The following AKAP9 variants were observed in gnomAD, a reference collection of about 807,000 sequenced individuals.
AKAP9 encodes A-kinase anchoring protein 9, also known as A-kinase anchor protein 9.
AKAP9 carries 311 observed loss-of-function variants against 488.5 expected under a neutral mutation model. That is an observed-to-expected ratio of 0.64 (90% CI 0.58 to 0.70). The LOEUF (loss-of-function observed/expected upper bound fraction) is 0.70, where lower values mean the gene tolerates loss of function less well. Among genes scored for constraint, AKAP9 ranks in the 30% least tolerant of loss-of-function variants. The probability of loss-of-function intolerance (pLI) is 0.00; values close to 1 mark genes in which losing one functional copy is unlikely to be tolerated. For synonymous variants in AKAP9, 1,462 were observed against 1,483.5 expected (o/e 0.99, Z 0.33); for missense variants, 4,215 against 4,374.5 (o/e 0.96, Z 1.03).
At chr7:91,970,628 C>T (rs1794953443) in intron 1 of AKAP9, 1 of 382,632 alleles carries the variant, frequency 2.6e-6, no homozygotes, top group African/African-American at 2.1e-5. Flanking sequence ...TTTTTTCCTT[C>T]AGCACTTTGA....
At position 92,110,157 on chromosome 7, in the gene AKAP9, TA is replaced by T; in HGVS notation, c.11724del (p.Ter3908TyrfsTer7). On this transcript the variant is annotated frameshift_variant and stop_lost, in exon 50 of 50. Transcript: ENST00000356239. LOFTEE classifies it high-confidence loss of function. Reference sequence around the variant, plus strand: ...TCAATTTCATGCTGGCATGAGAAGATAATCCTTTGAAACATCATTAATTGAA... The same window carrying T: ...TCAATTTCATGCTGGCATGAGAAGATATCCTTTGAAACATCATTAATTGAA... ...TTQFHAGMRR[*>X] 1 of 1,600,208 alleles carries T rather than the reference TA, an allele frequency of 6.2e-7. No homozygotes were observed. The highest frequency in any genetic ancestry group is 1.7e-5 in the Admixed American group (1 of 59,338).
intron 17 of AKAP9, 144 bp from the exon 18 acceptor site, chr7:92,040,529 GT>G: frequency 1.6e-6 from 1 of 619,808 alleles, no homozygotes; most frequent in Non-Finnish European, 2.7e-6. Flanking sequence ...TAAAAATTAT[GT>G]TTTTGTTTAA....
At chr7:92,013,335 G>A (rs1801045833) in intron 9 of AKAP9, among the ~76,000 whole-genome samples, 1 of 152,118 alleles carries the variant, frequency 6.6e-6, no homozygotes, top group Non-Finnish European at 1.5e-5. Flanking sequence ...TAGAATTGAG[G>A]TGTAAGGGTA....
chr7:92,102,378 G>A (rs1316090966), intron 45 of AKAP9, among the ~76,000 whole-genome samples: 1 of 151,104 alleles, frequency 6.6e-6, no homozygotes, highest in Admixed American at 6.6e-5. Context: ...AAGTGTAAAG[G>A]TTAATTTATC....
rs1816660563 is a variant in AKAP9 at position 92,096,813 on chromosome 7, A to G, written c.9854A>G (p.Asp3285Gly). ...QKIESQRMLY[D>G]AQLSEEQGRN... Reference sequence around the variant, plus strand: ...ATAGAATCACAGAGAATGCTATATGATGCCCAGTTGTCAGAAGAACAAGGT... The same window carrying G: ...ATAGAATCACAGAGAATGCTATATGGTGCCCAGTTGTCAGAAGAACAAGGT... Residue 3285 changes from aspartate to glycine, a missense_variant, in exon 41 of 50, where the codon GAT becomes GGT. Transcript: ENST00000356239. 1.9e-6 allele frequency: 3 copies of G among 1,614,122 alleles called. No individual in the cohort carries two copies. Among genetic ancestry groups the G allele is most frequent in the Non-Finnish European group, 2.5e-6 (3 of 1,180,046 alleles).
chr7:92,062,546 G>C, intron 24 of AKAP9, 60 bp downstream of exon 24: 2 of 1,445,724 alleles, frequency 1.4e-6, no homozygotes, highest in East Asian at 2.3e-5. Flanking sequence ...TTCTTCAAAG[G>C]CTTAAGGTGG....
intron 12 of AKAP9, among the ~76,000 whole-genome samples, chr7:92,020,160 AT>A (rs755281816): frequency 6.6e-6 from 1 of 152,220 alleles, no homozygotes; most frequent in Non-Finnish European, 1.5e-5. Flanking sequence ...TTACAGAGGC[AT>A]TTCAGAGTTA....
rs60778133 is a variant in AKAP9 at position 91,998,418 on chromosome 7, C to CTTTTTTT, written c.931-2399_931-2393dup. On this transcript the variant is annotated intron_variant, in intron 7 of 49. Coordinates refer to ENST00000356239, the MANE Select transcript of AKAP9 (RefSeq NM_005751.5). ...AGATAGTGTATTCAACCACAGGGCT[C>CTTTTTTT]TTTTTTTTTTTTTTTTTTTTTTTTT... is the stretch of plus-strand genomic sequence containing the variant. Among the ~76,000 whole-genome samples, 81 of 53,988 alleles carry CTTTTTTT rather than the reference C, an allele frequency of 1.5e-3. 18 individuals carry two copies. The highest frequency in any genetic ancestry group is 2.8e-3 in the Non-Finnish European group (71 of 25,224). The allele number at this position is 53,988 out of a possible 152,430, so 35.4% of individuals were successfully genotyped here.
chr7:92,032,492 G>A (rs1381423218), intron 16 of AKAP9, among the ~76,000 whole-genome samples: 6 of 132,314 alleles, frequency 4.5e-5, no homozygotes, highest in South Asian at 2.3e-4. Flanking sequence ...GCGAAACTCC[G>A]TCTCAAAAAA....
intron 30 of AKAP9, among the ~76,000 whole-genome samples, chr7:92,078,853 G>A (rs1470030328): frequency 6.6e-6 from 1 of 152,060 alleles, no homozygotes; most frequent in African/African-American, 2.4e-5. Context: ...TAGGGAATCA[G>A]CAACTAAAAG....
In AKAP9 at chr7:92,052,973, T is replaced by C; in HGVS notation, c.5601+15T>C. 6.3e-7 allele frequency: 1 copy of C among 1,580,884 alleles called. No homozygotes were observed. Among genetic ancestry groups the C allele is most frequent in the Non-Finnish European group, 8.7e-7 (1 of 1,150,422 alleles). Reference sequence around the variant, plus strand: ...CTAGCAGTCAGGTAACCTCCTTATATTGCTAATATGTACTGAGTTTGAAGT... The same window carrying C: ...CTAGCAGTCAGGTAACCTCCTTATACTGCTAATATGTACTGAGTTTGAAGT... On this transcript the variant is annotated intron_variant, in intron 22 of 49. Transcript: ENST00000356239.
chr7:92,076,533 A>G (rs1160756469), intron 28 of AKAP9, among the ~76,000 whole-genome samples: 1 of 152,172 alleles, frequency 6.6e-6, no homozygotes, highest in Non-Finnish European at 1.5e-5. Context: ...AAGATTTAAT[A>G]TGTGGACTCT....
Position 92,001,687 on chromosome 7 carries a change from A to G in AKAP9, c.1770A>G (p.Glu590=). 1 of 1,612,488 alleles carries G rather than the reference A, an allele frequency of 6.2e-7. No individual in the cohort carries two copies. ...ESRKELELKH[E]AEVTNYKIKL... ...GAAAGGAACTAGAATTAAAACATGA[A>G]GCAGAAGTTACAAATTACAAGATAA... Residue 590 remains glutamate (E), a synonymous_variant, in exon 8 of 50, where the codon GAA becomes GAG. Coordinates refer to ENST00000356239, the MANE Select transcript of AKAP9 (RefSeq NM_005751.5).
intron 9 of AKAP9, among the ~76,000 whole-genome samples, chr7:92,013,731 T>C (rs1338949975): frequency 1.3e-5 from 2 of 152,114 alleles, no homozygotes; most frequent in African/African-American, 4.8e-5. Flanking sequence ...CAGGAGTGCT[T>C]TGGGTTTGAA....
Position 92,110,219 on chromosome 7 carries a change from G to A in AKAP9, c.*60G>A. ...ATAGATTTCCTTTTGTAAATCAATG[G>A]TTCTTTTGTGCTTTTGTATTGTGAA... On this transcript the variant is annotated 3_prime_UTR_variant, in exon 50 of 50. Coordinates refer to ENST00000356239, the MANE Select transcript of AKAP9 (RefSeq NM_005751.5). 7.5e-7 allele frequency: 1 copy of A among 1,329,516 alleles called. No homozygotes were observed. The highest frequency in any genetic ancestry group is 1.1e-6 in the Non-Finnish European group (1 of 936,854). The allele number at this position is 1,329,516 out of a possible 1,614,324, so 82.4% of individuals were successfully genotyped here.
At chr7:91,978,932 A>ATTTTTTT (rs34097770) in intron 2 of AKAP9, among the ~76,000 whole-genome samples, 4 of 90,380 alleles carry the variant, frequency 4.4e-5, no homozygotes, top group East Asian at 3.6e-4. Flanking sequence ...TAGTTTTTGT[A>ATTTTTTT]TTTTTTTTTT....
At chr7:92,032,595 A>G (rs1000320650) in intron 16 of AKAP9, among the ~76,000 whole-genome samples, 2 of 152,144 alleles carry the variant, frequency 1.3e-5, no homozygotes, top group Non-Finnish European at 2.9e-5. Flanking sequence ...AACAATCCCA[A>G]TGGAATATGT....
At chr7:91,990,711 C>A (rs1476929448) in intron 3 of AKAP9, among the ~76,000 whole-genome samples, 1 of 152,044 alleles carries the variant, frequency 6.6e-6, no homozygotes, top group Admixed American at 6.6e-5. Flanking sequence ...ACAGTTATTA[C>A]AAACTGATAA....
At position 92,029,453 on chromosome 7, in the gene AKAP9, A is replaced by G. The variant is rs552711606; in HGVS notation, c.4149-442A>G. 5.3e-5 allele frequency among the ~76,000 whole-genome samples: 8 copies of G among 152,332 alleles called. No individual in the cohort carries two copies. In the South Asian group the frequency reaches 1.7e-3, roughly 32 times the overall value. ...AAAGTGAGATTTTACAAACTTTTTT[A>G]AAGTCATTAATATATCTTAGATAAC... is the stretch of plus-strand genomic sequence containing the variant. On this transcript the variant is annotated intron_variant, in intron 14 of 49. Transcript: ENST00000356239.
Sources: allele counts gnomAD v4.1 joint callset (sites outside exome capture counted in the v4.1 genomes callset), GRCh38; gene constraint gnomAD v4.1.1; transcripts MANE v1.5; gene names NCBI Gene and HGNC (gene_info 2026-07-23, HGNC 2026-07-21).